The following LRRIQ1 variants were observed in gnomAD, a reference collection of about 807,000 sequenced individuals.
The protein encoded by LRRIQ1 is leucine rich repeats and IQ motif containing 1, also known as leucine-rich repeat- and IQ domain-containing protein 1.
Under a neutral mutation model 211.9 loss-of-function variants are expected in LRRIQ1, and 210 were observed. The observed-to-expected ratio is 0.99, with a 90% CI of 0.89 to 1.11. The LOEUF is 1.11. LRRIQ1 is among the 50% of genes most tolerant of loss of function. The pLI, the probability that LRRIQ1 is intolerant of heterozygous loss-of-function variation, is 0.00. For missense variants in LRRIQ1, 2,136 were observed against 1,939.5 expected, an observed-to-expected ratio of 1.10 and a Z score of -1.90; for synonymous variants, 699 against 650.1, an observed-to-expected ratio of 1.08 and a Z score of -1.14.
intron 10 of LRRIQ1, among the ~76,000 whole-genome samples, chr12:85,072,293 G>C (rs1036906950): frequency 6.6e-6 from 1 of 151,716 alleles, no homozygotes; most frequent in African/African-American, 2.4e-5. Flanking sequence ...TAATTTTTAT[G>C]CTATTTCTGT....
intron 23 of LRRIQ1, among the ~76,000 whole-genome samples, chr12:85,158,468 G>C (rs1402775912): frequency 6.6e-6 from 1 of 151,634 alleles, no homozygotes; most frequent in Non-Finnish European, 1.5e-5. Context: ...TATGTAAGAA[G>C]AAAAATACTA....
chr12:85,044,590 G>A (rs1310700844), intron 3 of LRRIQ1, 128 bp from the exon 4 acceptor site: 6 of 407,628 alleles, frequency 1.5e-5, no homozygotes, highest in Admixed American at 4.4e-5. Context: ...GTTATTCTGA[G>A]TTACTCTTAC....
intron 19 of LRRIQ1, among the ~76,000 whole-genome samples, chr12:85,141,402 T>C (rs993587760): frequency 1.8e-4 from 27 of 151,302 alleles, no homozygotes; most frequent in Non-Finnish European, 8.9e-5. Flanking sequence ...CTTTTATTTC[T>C]GTCACATTTG....
rs143253287 is a variant in LRRIQ1 at position 85,065,373 on chromosome 12, A to G, written c.2503A>G (p.Ser835Gly). The change falls in exon 9 of 27, where the codon AGC becomes GGC. Residue 835 changes from serine (S) to glycine (G), a missense_variant. Coordinates refer to ENST00000393217, the MANE Select transcript of LRRIQ1 (RefSeq NM_001079910.2). The stretch of plus-strand genomic sequence containing the variant: ...ACGCTGTGGATTAACTTCTTTGCAC[A>G]GCCTGAGTAATTGTAAAAAACTTAA... ...LRRCGLTSLHSLSNCKKLKYI... is the reference protein window; with the variant it reads ...LRRCGLTSLHGLSNCKKLKYI... The G allele has an allele frequency of 1.6e-3, 2,551 of 1,610,324 alleles. 5 individuals are homozygous for G. Among genetic ancestry groups the G allele is most frequent in the Non-Finnish European group, 2.0e-3 (2,370 of 1,177,648 alleles).
intron 13 of LRRIQ1, among the ~76,000 whole-genome samples, chr12:85,099,255 T>G (rs1886157670): frequency 1.3e-5 from 2 of 151,904 alleles, no homozygotes; most frequent in Non-Finnish European, 2.9e-5. Context: ...TGCACTTGTA[T>G]AAATCTCTCA....
At chr12:85,211,885 T>C (rs1893853935) in intron 24 of LRRIQ1, among the ~76,000 whole-genome samples, 1 of 152,204 alleles carries the variant, frequency 6.6e-6, no homozygotes, top group South Asian at 2.1e-4. Flanking sequence ...TCATTTCTTC[T>C]ACTAAATTAA....
intron 15 of LRRIQ1, among the ~76,000 whole-genome samples, chr12:85,111,465 C>T (rs1939097673): frequency 6.6e-6 from 1 of 152,076 alleles, no homozygotes; most frequent in South Asian, 2.1e-4. Context: ...TGTAACTAGT[C>T]ATATCACCAA....
At position 85,065,387 on chromosome 12, in the gene LRRIQ1, T is replaced by G; in HGVS notation, c.2517T>G (p.Cys839Trp). Residue 839 changes from cysteine to tryptophan, a missense_variant, in exon 9 of 27, where the codon TGT becomes TGG. Physicochemically the swap from Cys to Trp is radical, Grantham distance 215. Coordinates refer to ENST00000393217, the MANE Select transcript of LRRIQ1 (RefSeq NM_001079910.2). ...GLTSLHSLSN[C>W]KKLKYIDAQE... ...CTTCTTTGCACAGCCTGAGTAATTG[T>G]AAAAAACTTAAGTACATTGATGCAC... The G allele has an allele frequency of 1.2e-6, 2 of 1,609,566 alleles. No individual in the cohort carries two copies. Among genetic ancestry groups the G allele is most frequent in the Non-Finnish European group, 1.7e-6 (2 of 1,177,280 alleles).
At chr12:85,068,300 A>G (rs1882662511) in intron 10 of LRRIQ1, among the ~76,000 whole-genome samples, 1 of 151,914 alleles carries the variant, frequency 6.6e-6, no homozygotes. Flanking sequence ...GAAAGGGTGT[A>G]GATAGAGGAA....
chr12:85,241,324 A>G lies in LRRIQ1; in HGVS notation c.5017-3465A>G, dbSNP rs145373273. Among the ~76,000 whole-genome samples, 952 of 152,176 alleles carry G rather than the reference A, an allele frequency of 6.3e-3. 6 individuals carry two copies. The highest frequency in any genetic ancestry group is 0.022 in the African/African-American group (918 of 41,554). On this transcript the variant is annotated intron_variant, in intron 26 of 26. Transcript: ENST00000393217. ...TTTAAAGTGCCTTCCCTACCCACAT[A>G]TGTTATATAACAAGACATCTGTCTT... is the stretch of plus-strand genomic sequence containing the variant.
intron 24 of LRRIQ1, among the ~76,000 whole-genome samples, chr12:85,195,962 A>G (rs541392398): frequency 3.3e-5 from 5 of 151,960 alleles, no homozygotes; most frequent in Non-Finnish European, 5.9e-5. Context: ...TAAGCTGATA[A>G]GCAACTTCAG....
intron 15 of LRRIQ1, among the ~76,000 whole-genome samples, chr12:85,108,574 T>G (rs932884189): frequency 1.1e-4 from 16 of 152,178 alleles, no homozygotes; most frequent in Non-Finnish European, 2.2e-4. Flanking sequence ...TTTGCCAAGT[T>G]TAAGTGAATT....
downstream of LRRIQ1, among the ~76,000 whole-genome samples, chr12:85,249,006 A>T (rs1371903607): frequency 6.6e-6 from 1 of 151,806 alleles, no homozygotes; most frequent in Admixed American, 6.6e-5. Flanking sequence ...ACAAATGAAG[A>T]TTTCAAAAAA....
intron 24 of LRRIQ1, among the ~76,000 whole-genome samples, chr12:85,206,159 G>A (rs1285103514): frequency 1.3e-5 from 2 of 152,328 alleles, no homozygotes; most frequent in South Asian, 2.1e-4. Flanking sequence ...GCCTGGGACT[G>A]CTGACTTCCA....
At chr12:85,079,391 T>G (rs544970573) in intron 11 of LRRIQ1, among the ~76,000 whole-genome samples, 2 of 151,436 alleles carry the variant, frequency 1.3e-5, no homozygotes, top group African/African-American at 2.4e-5. Context: ...GCCCGGCTAA[T>G]TTTTTGTATT....
chr12:85,059,410 A>C (rs1003056174), intron 8 of LRRIQ1, among the ~76,000 whole-genome samples: 3 of 152,010 alleles, frequency 2.0e-5, no homozygotes, highest in Admixed American at 1.3e-4. Context: ...TCATCTGGCA[A>C]CGTGGTACAC....
At chr12:85,242,105 A>G (rs950484290) in intron 26 of LRRIQ1, among the ~76,000 whole-genome samples, 1 of 152,060 alleles carries the variant, frequency 6.6e-6, no homozygotes, top group Non-Finnish European at 1.5e-5. Context: ...ATTACAGTCT[A>G]ATAAGTATTT....
intron 24 of LRRIQ1, 115 bp downstream of exon 24, chr12:85,160,829 G>A: frequency 4.8e-6 from 2 of 420,318 alleles, no homozygotes; most frequent in Non-Finnish European, 7.8e-6. Context: ...AAAGAATTAT[G>A]TATAACATAT....
chr12:85,201,986 T>A lies in LRRIQ1; in HGVS notation c.4823-27531T>A, dbSNP rs181114162. The stretch of plus-strand genomic sequence containing the variant: ...CTGTGTCCCAGATATTCTAGTATGT[T>A]GTATTTTTGTTCTTATTCATTTCAA... On this transcript the variant is annotated intron_variant, in intron 24 of 26. Transcript: ENST00000393217. Among the ~76,000 whole-genome samples the A allele has an allele frequency of 2.0e-3, 307 of 152,296 alleles. 2 individuals carry two copies. The highest frequency in any genetic ancestry group is 7.1e-3 in the African/African-American group (294 of 41,566).
Sources: gnomAD v4.1 joint callset for allele counts (sites outside exome capture counted in the v4.1 genomes callset) on GRCh38, gnomAD v4.1.1 for gene constraint, MANE v1.5 for transcripts, NCBI Gene and HGNC (gene_info 2026-07-23, HGNC 2026-07-21) for gene names.